ZNF665: variants seen among roughly 807,000 people sequenced by gnomAD.
ZNF665 encodes zinc finger protein 665.
A neutral mutation model predicts 7.9 loss-of-function variants in ZNF665; 6 were observed. The observed-to-expected ratio is 0.76, with a 90% CI of 0.42 to 1.50. The LOEUF (loss-of-function observed/expected upper bound fraction) is 1.50, where lower values mean the gene tolerates loss of function less well. Among genes scored for constraint, ZNF665 ranks in the 40% most tolerant of loss-of-function variants. The pLI is 0.01. For synonymous variants in ZNF665, 242 were observed against 274.5 expected (o/e 0.88, Z 1.17); for missense variants, 819 against 806.7 (o/e 1.02, Z -0.18).
At chr19:53,182,863 C>T (rs777318432) in intron 2 of ZNF665, 21 bp downstream of exon 2, 1 of 1,613,184 alleles carries the variant, frequency 6.2e-7, no homozygotes, top group African/African-American at 1.3e-5. Flanking sequence ...ACAGAACAAT[C>T]CACCGAGAAT....
chr19:53,167,905 A>C (rs1213929912), intron 3 of ZNF665, among the ~76,000 whole-genome samples: 1 of 149,554 alleles, frequency 6.7e-6, no homozygotes, highest in Non-Finnish European at 1.5e-5. Context: ...AGATACAAAA[A>C]ATTCGCCATG....
rs1232878676 is a variant in ZNF665, at chr19:53,193,240, C to T, written c.-46+72G>A. On this transcript the variant is annotated intron_variant, in intron 1 of 3. Transcript: ENST00000396424. ...GCGGGGACTTTAAGGGCTATACGAA[C>T]CCCCGGACATCGGGTACGGAGGAGC... 6 of 152,148 alleles carry T rather than the reference C, an allele frequency of 3.9e-5. No individual in the cohort carries two copies. In the East Asian group the frequency reaches 7.7e-4, roughly 20 times the overall value. 9.4% of individuals were successfully genotyped at this position (152,148 alleles called of 1,614,324 possible). A position where few individuals can be genotyped will look rare whatever the true frequency, so the allele number is the denominator to read the frequency against.
rs2146836937 is a variant in ZNF665 at position 53,166,298 on chromosome 19, G to A, written c.192C>T (p.Asn64=). ...VNTDLPPKGK[N]NMGEAFYTVK... is the part of the protein sequence containing the mutation. ...CCGTGTAGAACGCTTCTCCCATATT[G>A]TTCTTCCCCTTTGGTGGCAAATCCG... The change falls in exon 4 of 4, where the codon AAC becomes AAT. Residue 64 remains asparagine (N), a synonymous_variant. Transcript: ENST00000396424. 1.2e-6 allele frequency: 2 copies of A among 1,601,000 alleles called. No individual in the cohort carries two copies. Among genetic ancestry groups the A allele is most frequent in the Non-Finnish European group, 1.7e-6 (2 of 1,174,886 alleles).
At chr19:53,167,883 C>T (rs2090628724) in intron 3 of ZNF665, among the ~76,000 whole-genome samples, 1 of 148,448 alleles carries the variant, frequency 6.7e-6, no homozygotes, top group Admixed American at 6.7e-5. Context: ...GATGAAACCC[C>T]GTCTCTACTA....
chr19:53,170,941 A>AT (rs1447914876), intron 3 of ZNF665, among the ~76,000 whole-genome samples: 1 of 151,998 alleles, frequency 6.6e-6, no homozygotes, highest in Non-Finnish European at 1.5e-5. Context: ...TGTATCTTGT[A>AT]TTTTTTATGT....
At chr19:53,174,528 C>T (rs1366341952) in intron 3 of ZNF665, among the ~76,000 whole-genome samples, 1 of 152,172 alleles carries the variant, frequency 6.6e-6, no homozygotes, top group Admixed American at 6.6e-5. Flanking sequence ...GACCTGTGAT[C>T]CCACCTCTGA....
At chr19:53,191,273 T>C (rs190134135) in intron 1 of ZNF665, among the ~76,000 whole-genome samples, 8 of 152,282 alleles carry the variant, frequency 5.3e-5, no homozygotes, top group Admixed American at 3.3e-4. Context: ...CATTCTTTGT[T>C]GAGCGTTCAT....
At position 53,171,524 on chromosome 19, in the gene ZNF665, A is replaced by ATATAT. The variant is rs372855271; in HGVS notation, c.142+3920_142+3921insATATA. On this transcript the variant is annotated intron_variant, in intron 3 of 3. Coordinates refer to ENST00000396424, the MANE Select transcript of ZNF665 (RefSeq NM_024733.5). ...TGTGTGTATATATATATATATATAT[A>ATATAT]TTTTTTTTTTTTTTTTCTTTTTTTA... is the stretch of plus-strand genomic sequence containing the variant. Among the ~76,000 whole-genome samples, 393 of 69,328 alleles carry ATATAT rather than the reference A, an allele frequency of 5.7e-3. 8 individuals are homozygous for ATATAT. Among genetic ancestry groups the ATATAT allele is most frequent in the African/African-American group, 0.017 (333 of 19,326 alleles). 45.5% of individuals were successfully genotyped at this position (69,328 alleles called of 152,430 possible).
At chr19:53,179,081 C>T (rs2090718006) in intron 2 of ZNF665, among the ~76,000 whole-genome samples, 2 of 152,092 alleles carry the variant, frequency 1.3e-5, no homozygotes, top group African/African-American at 4.8e-5. Flanking sequence ...ATAAAAGTGG[C>T]TATGAGTTTT....
chr19:53,175,168 C>T (rs145555253), intron 3 of ZNF665, among the ~76,000 whole-genome samples: 2,446 of 152,114 alleles, frequency 0.016, 74 homozygotes, highest in African/African-American at 0.057. Context: ...ACCACTCAAT[C>T]AAAAGCACAG....
chr19:53,166,196 A>C lies in ZNF665; in HGVS notation c.294T>G (p.Phe98Leu), dbSNP rs1178879173. ...FQEVQKNTYD[F>L]ECQWKDDEGN... is the part of the protein sequence containing the mutation. Reference sequence around the variant, plus strand: ...CTTCATCATCTTTCCACTGACACTCAAAGTCGTATGTATTTTTCTGAACTT... The same window carrying C: ...CTTCATCATCTTTCCACTGACACTCCAAGTCGTATGTATTTTTCTGAACTT... Residue 98 changes from phenylalanine to leucine, a missense_variant, in exon 4 of 4, where the codon TTT becomes TTG. By Grantham distance (22) the Phe-to-Leu change is conservative. Transcript: ENST00000396424. 32 of 1,613,780 alleles carry C rather than the reference A, an allele frequency of 2.0e-5. No individual in the cohort carries two copies. Among genetic ancestry groups the C allele is most frequent in the Admixed American group, 1.2e-4 (7 of 59,980 alleles).
intron 3 of ZNF665, among the ~76,000 whole-genome samples, chr19:53,172,824 CAAAAA>C (rs66604312): frequency 6.0e-5 from 5 of 82,686 alleles, no homozygotes; most frequent in African/African-American, 1.4e-4. Flanking sequence ...GATTCTGTCT[CAAAAA>C]AAAAAAAAAA....
intron 1 of ZNF665, among the ~76,000 whole-genome samples, chr19:53,184,429 G>C (rs2090761512): frequency 6.6e-6 from 1 of 152,092 alleles, no homozygotes; most frequent in Admixed American, 6.6e-5. Flanking sequence ...GGTCTGCTGG[G>C]GAACACCTTT....
intron 1 of ZNF665, among the ~76,000 whole-genome samples, chr19:53,185,523 A>G (rs2090771740): frequency 6.6e-6 from 1 of 152,104 alleles, no homozygotes; most frequent in Non-Finnish European, 1.5e-5. Flanking sequence ...AATCATAACT[A>G]AGATCTATAT....
At chr19:53,174,441 CA>C in intron 3 of ZNF665, among the ~76,000 whole-genome samples, 1 of 152,034 alleles carries the variant, frequency 6.6e-6, no homozygotes, top group South Asian at 2.1e-4. Flanking sequence ...TTTATTTTCC[CA>C]AAAAACTCTC....
intron 2 of ZNF665, chr19:53,179,454 G>GTT (rs796267066): frequency 1.6e-5 from 2 of 125,696 alleles, no homozygotes; most frequent in East Asian, 2.3e-4. Flanking sequence ...TCTTTTTTTT[G>GTT]TTTTTTTTTT....
rs1306949490 is a variant in ZNF665 at position 53,164,921 on chromosome 19, A to G, written c.1569T>C (p.Phe523=). The change falls in exon 4 of 4, where the codon TTT becomes TTC. Residue 523 remains phenylalanine, a synonymous_variant. Coordinates refer to ENST00000396424, the MANE Select transcript of ZNF665 (RefSeq NM_024733.5). Reference sequence around the variant, plus strand: ...GTATAGTTAGGCTTGAATGAACACTAAAGGCTTTGCCACACTCATTACACT... The same window carrying G: ...GTATAGTTAGGCTTGAATGAACACTGAAGGCTTTGCCACACTCATTACACT... ...PYKCNECGKA[F]SVHSSLTIHQ... is the part of the protein sequence containing the mutation. 1 of 1,614,102 alleles carries G rather than the reference A, an allele frequency of 6.2e-7. No individual in the cohort carries two copies. The highest frequency in any genetic ancestry group is 1.7e-5 in the Admixed American group (1 of 60,018).
intron 2 of ZNF665, 27 bp from the exon 3 acceptor site, chr19:53,175,598 G>C: frequency 6.3e-7 from 1 of 1,576,892 alleles, no homozygotes; most frequent in Non-Finnish European, 8.6e-7. Flanking sequence ...ATTTCACCAA[G>C]TGACTATGAG....
At chr19:53,184,924 G>C (rs938963056) in intron 1 of ZNF665, among the ~76,000 whole-genome samples, 3 of 152,096 alleles carry the variant, frequency 2.0e-5, no homozygotes, top group African/African-American at 7.2e-5. Flanking sequence ...CCGAGGCAGA[G>C]AGAGAGAGGA....
Sources: allele counts gnomAD v4.1 joint callset (sites outside exome capture counted in the v4.1 genomes callset), GRCh38; gene constraint gnomAD v4.1.1; transcripts MANE v1.5; gene names NCBI Gene and HGNC (gene_info 2026-07-23, HGNC 2026-07-21).